MYMX: variants seen among roughly 807,000 people sequenced by gnomAD.
MYMX encodes the protein protein myomixer.
At chr6:44,208,433 C>T in the MYMX span, among the ~76,000 whole-genome samples, 4 of 152,078 alleles carry the variant, frequency 2.6e-5, no homozygotes, top group African/African-American at 9.7e-5. Flanking sequence ...TCCAAATCCA[C>T]CATAAATCCC....
the MYMX span, among the ~76,000 whole-genome samples, chr6:44,194,580 G>T: frequency 6.6e-6 from 1 of 152,186 alleles, no homozygotes; most frequent in East Asian, 1.9e-4. Context: ...CTGGCACAAA[G>T]AGCCAACTCC....
chr6:44,202,921 T>C, the MYMX span, among the ~76,000 whole-genome samples: 4 of 152,218 alleles, frequency 2.6e-5, no homozygotes, highest in African/African-American at 7.2e-5. Context: ...TCTCTCACTC[T>C]GTTTACAAGA....
the MYMX span, among the ~76,000 whole-genome samples, chr6:44,195,622 A>G: frequency 0.013 from 1,931 of 150,444 alleles, 40 homozygotes; most frequent in African/African-American, 0.043. Flanking sequence ...ATGAGCCACT[A>G]TACCTGGCTA....
Position 44,217,703 on chromosome 6 carries a change from G to A in MYMX, c.232G>A (p.Glu78Lys). ...ASRVDRLERR[E>K]RLGPQK The stretch of plus-strand genomic sequence containing the variant: ...AAGAGTGGACCGCCTGGAGAGGAGG[G>A]AGAGGTTAGGCCCCCAAAAGTGAGG... Residue 78 changes from glutamate to lysine, a missense_variant, in exon 2 of 2, where the codon GAG becomes AAG. By Grantham distance (56) the Glu-to-Lys change is moderately conservative. Coordinates refer to ENST00000573382, the MANE Select transcript of MYMX (RefSeq NM_001315494.2). The A allele has an allele frequency of 2.5e-6, 1 of 401,062 alleles. No individual in the cohort carries two copies. 24.8% of individuals were successfully genotyped at this position (401,062 alleles called of 1,614,324 possible). A position where few individuals can be genotyped will look rare whatever the true frequency, so the allele number is the denominator to read the frequency against.
the MYMX span, among the ~76,000 whole-genome samples, chr6:44,207,507 A>T: frequency 6.7e-6 from 1 of 150,348 alleles, no homozygotes; most frequent in Admixed American, 6.6e-5. Flanking sequence ...TTCTGCATCC[A>T]CATCGGGAAT....
upstream of MYMX, among the ~76,000 whole-genome samples, chr6:44,214,426 G>A (rs2128330718): frequency 6.6e-6 from 1 of 152,316 alleles, no homozygotes; most frequent in Non-Finnish European, 1.5e-5. Context: ...GAAAGCCTAG[G>A]GAAGGAGAAG....
the MYMX span, among the ~76,000 whole-genome samples, chr6:44,201,545 C>A: frequency 6.6e-5 from 10 of 152,118 alleles, no homozygotes; most frequent in South Asian, 2.1e-4. Context: ...CATGACAGAG[C>A]GAGGGGCCAC....
At chr6:44,213,300 C>T (rs990163378), upstream of MYMX, among the ~76,000 whole-genome samples, 3 of 151,486 alleles carry the variant, frequency 2.0e-5, no homozygotes, top group African/African-American at 4.9e-5. Flanking sequence ...GCAGGAGAAT[C>T]GCTTGAACGC....
the MYMX span, among the ~76,000 whole-genome samples, chr6:44,207,769 G>A: frequency 6.6e-6 from 1 of 151,968 alleles, no homozygotes; most frequent in Non-Finnish European, 1.5e-5. Flanking sequence ...TACCTCAGGT[G>A]ATCCGCCCAC....
At chr6:44,205,496 C>A in the MYMX span, among the ~76,000 whole-genome samples, 1 of 151,312 alleles carries the variant, frequency 6.6e-6, no homozygotes, top group African/African-American at 2.4e-5. Context: ...CTATCTCTAC[C>A]AAATAAATAA....
the MYMX span, among the ~76,000 whole-genome samples, chr6:44,198,469 C>G: frequency 0.016 from 2,479 of 151,296 alleles, 66 homozygotes; most frequent in African/African-American, 0.056. Context: ...CTGGCCTATC[C>G]CAAATTCCTA....
the MYMX span, among the ~76,000 whole-genome samples, chr6:44,200,205 C>T: frequency 6.6e-6 from 1 of 152,092 alleles, no homozygotes; most frequent in African/African-American, 2.4e-5. Context: ...ACTTTACTGA[C>T]CATTACCTTG....
At chr6:44,204,845 A>G in the MYMX span, among the ~76,000 whole-genome samples, 2 of 152,288 alleles carry the variant, frequency 1.3e-5, no homozygotes, top group Admixed American at 1.3e-4. Flanking sequence ...GAAATTAAAA[A>G]TGTTTTTCTC....
At chr6:44,209,003 G>A in the MYMX span, among the ~76,000 whole-genome samples, 6 of 152,206 alleles carry the variant, frequency 3.9e-5, no homozygotes, top group East Asian at 9.6e-4. Context: ...TTGCTCTGTC[G>A]CCCAGGCAGG....
the MYMX span, among the ~76,000 whole-genome samples, chr6:44,208,839 T>C: frequency 6.6e-6 from 1 of 152,194 alleles, no homozygotes; most frequent in African/African-American, 2.4e-5. Flanking sequence ...CCATGCTGTG[T>C]CTGCCCTTTC....
At chr6:44,202,230 T>C in the MYMX span, among the ~76,000 whole-genome samples, 2 of 152,154 alleles carry the variant, frequency 1.3e-5, no homozygotes, top group Non-Finnish European at 2.9e-5. Flanking sequence ...CCCAGAGCCT[T>C]GCACGGGCTT....
chr6:44,196,218 C>G, the MYMX span, among the ~76,000 whole-genome samples: 1 of 152,194 alleles, frequency 6.6e-6, no homozygotes, highest in Non-Finnish European at 1.5e-5. Context: ...GCCATCACTC[C>G]CAGCCTGGAC....
At chr6:44,197,488 A>T in the MYMX span, among the ~76,000 whole-genome samples, 1 of 151,824 alleles carries the variant, frequency 6.6e-6, no homozygotes, top group South Asian at 2.1e-4. Context: ...AGCTGAGATC[A>T]TGCCACTGCA....
At chr6:44,213,527 T>C (rs866626626), upstream of MYMX, among the ~76,000 whole-genome samples, 1 of 151,054 alleles carries the variant, frequency 6.6e-6, no homozygotes, top group African/African-American at 2.4e-5. Context: ...GCTCAAGCAA[T>C]TCTCCTGTCT....
Sources: allele counts gnomAD v4.1 joint callset (sites outside exome capture counted in the v4.1 genomes callset), GRCh38; gene constraint gnomAD v4.1.1; transcripts MANE v1.5; gene names NCBI Gene and HGNC (gene_info 2026-07-23, HGNC 2026-07-21).